Variants in CCR5AS observed in about 807,000 individuals in gnomAD.
CCR5AS encodes the protein CCR5 antisense RNA.
At chr3:46,371,007 G>A (rs968574679) in intron 3 of CCR5AS, 11 of 152,172 alleles carry the variant, frequency 7.2e-5, no homozygotes, top group Non-Finnish European at 1.3e-4. Flanking sequence ...CCTCTCAGCT[G>A]CTTGGCCTGT....
chr3:46,370,660 T>C (rs1297551899), intron 3 of CCR5AS, among the ~76,000 whole-genome samples: 1 of 152,262 alleles, frequency 6.6e-6, no homozygotes, highest in Non-Finnish European at 1.5e-5. Flanking sequence ...TAAATGTTCT[T>C]CTAGCTCTGA....
At chr3:46,392,599 C>A (rs144255175) in intron 2 of CCR5AS, among the ~76,000 whole-genome samples, 1,762 of 152,198 alleles carry the variant, frequency 0.012, 16 homozygotes, top group Non-Finnish European at 0.02. Flanking sequence ...TGATCAGACA[C>A]CAAATGGAAT....
At chr3:46,383,014 T>A (rs1012100639) in intron 2 of CCR5AS, among the ~76,000 whole-genome samples, 1 of 152,218 alleles carries the variant, frequency 6.6e-6, no homozygotes, top group Non-Finnish European at 1.5e-5. Context: ...AGTTAGCCAC[T>A]TTAATAATTT....
chr3:46,402,541 A>ATACAAATT (rs1702013094), intron 1 of CCR5AS, among the ~76,000 whole-genome samples: 1 of 152,354 alleles, frequency 6.6e-6, no homozygotes, highest in Non-Finnish European at 1.5e-5. Context: ...GTTTTTCTCT[A>ATACAAATT]TACAAATTTT....
At chr3:46,397,614 G>A (rs1157379484) in intron 1 of CCR5AS, among the ~76,000 whole-genome samples, 1 of 152,194 alleles carries the variant, frequency 6.6e-6, no homozygotes, top group Non-Finnish European at 1.5e-5. Context: ...GACCCCATCA[G>A]GAGGGAGCCA....
intron 3 of CCR5AS, among the ~76,000 whole-genome samples, chr3:46,366,109 T>C (rs1167169597): frequency 2.6e-5 from 4 of 152,200 alleles, no homozygotes; most frequent in African/African-American, 7.2e-5. Flanking sequence ...TGCCTCCGTA[T>C]ACAGACTGGA....
intron 3 of CCR5AS, among the ~76,000 whole-genome samples, chr3:46,369,861 C>T (rs1701637856): frequency 6.6e-6 from 1 of 152,148 alleles, no homozygotes; most frequent in African/African-American, 2.4e-5. Context: ...TAGTCTGCCT[C>T]TGTAGGATTG....
At chr3:46,375,371 A>G (rs1346831955) in intron 2 of CCR5AS, 1 of 167,048 alleles carries the variant, frequency 6.0e-6, no homozygotes. Flanking sequence ...TGAGGCAACC[A>G]CAGGCAGCAT....
chr3:46,364,194 AGAG>A (rs1325574777), downstream of CCR5AS, among the ~76,000 whole-genome samples: 2 of 152,254 alleles, frequency 1.3e-5, no homozygotes, highest in African/African-American at 2.4e-5. Flanking sequence ...TCACAGCTAG[AGAG>A]GAGATGTCAA....
chr3:46,397,164 G>A (rs533585008), intron 1 of CCR5AS, among the ~76,000 whole-genome samples: 1 of 151,986 alleles, frequency 6.6e-6, no homozygotes, highest in East Asian at 1.9e-4. Flanking sequence ...CCTGCCTCTC[G>A]TGAGCCAGGC....
chr3:46,377,138 A>G (rs1019077189), intron 2 of CCR5AS, among the ~76,000 whole-genome samples: 2 of 152,178 alleles, frequency 1.3e-5, no homozygotes, highest in African/African-American at 2.4e-5. Context: ...TGTGGCTGAC[A>G]TACATGCAGT....
At chr3:46,395,027 G>A (rs1701947855) in intron 1 of CCR5AS, among the ~76,000 whole-genome samples, 1 of 152,118 alleles carries the variant, frequency 6.6e-6, no homozygotes, top group Admixed American at 6.6e-5. Context: ...GCCCCTAGGT[G>A]GAGGTTTGGC....
At chr3:46,389,178 C>A (rs574276967) in intron 2 of CCR5AS, among the ~76,000 whole-genome samples, 1 of 152,098 alleles carries the variant, frequency 6.6e-6, no homozygotes. Context: ...ATGTATTAGG[C>A]TCATAAGGGT....
intron 2 of CCR5AS, among the ~76,000 whole-genome samples, chr3:46,378,388 C>T (rs1367073210): frequency 2.0e-5 from 3 of 152,040 alleles, no homozygotes; most frequent in Admixed American, 6.5e-5. Flanking sequence ...ATTGTTACTA[C>T]GTGGTTTGAT....
Position 46,381,293 on chromosome 3 carries a change from T to C in CCR5AS, n.392-9876A>G, listed in dbSNP as rs143000297. ...GGATTCTTCTCCCCCCATTTCCTTA[T>C]CCCTGCAGTGAGCCATCCTTCTTAA... On this transcript the variant is annotated intron_variant and non_coding_transcript_variant, in intron 2 of 3. Coordinates refer to ENST00000451485, the Ensembl canonical transcript of CCR5AS. Among the ~76,000 whole-genome samples, 214 of 152,290 alleles carry C rather than the reference T, an allele frequency of 1.4e-3. 1 individual carries two copies. Among genetic ancestry groups the C allele is most frequent in the Middle Eastern group, 3.4e-3 (1 of 294 alleles).
chr3:46,387,731 A>G (rs574145970), intron 2 of CCR5AS, among the ~76,000 whole-genome samples: 1 of 152,312 alleles, frequency 6.6e-6, no homozygotes, highest in South Asian at 2.1e-4. Context: ...GCTTTGTGTG[A>G]GCAATTAAGC....
At chr3:46,394,960 T>G (rs1575286855) in intron 1 of CCR5AS, among the ~76,000 whole-genome samples, 1 of 151,932 alleles carries the variant, frequency 6.6e-6, no homozygotes, top group Non-Finnish European at 1.5e-5. Flanking sequence ...ATTTTGAACT[T>G]CGGATTGCCC....
intron 2 of CCR5AS, chr3:46,372,734 A>G: frequency 3.7e-6 from 2 of 547,610 alleles, no homozygotes; most frequent in Non-Finnish European, 6.3e-6. Flanking sequence ...TCCCTTCACT[A>G]CAAAACTTCA....
intron 2 of CCR5AS, among the ~76,000 whole-genome samples, chr3:46,391,927 G>A (rs1701917670): frequency 6.6e-6 from 1 of 152,108 alleles, no homozygotes; most frequent in African/African-American, 2.4e-5. Flanking sequence ...GAGAGAAAGA[G>A]GAAAGATTTG....
Sources: allele counts gnomAD v4.1 joint callset (sites outside exome capture counted in the v4.1 genomes callset), GRCh38; gene constraint gnomAD v4.1.1; transcripts MANE v1.5; gene names NCBI Gene and HGNC (gene_info 2026-07-23, HGNC 2026-07-21).